SPOCK1: variants seen among roughly 807,000 people sequenced by gnomAD.
The protein encoded by SPOCK1 is testican-1.
SPOCK1 carries 23 observed loss-of-function variants against 55.3 expected under a neutral mutation model. The observed-to-expected ratio is 0.42, with a 90% CI of 0.30 to 0.59. SPOCK1 has a LOEUF of 0.59. SPOCK1 is among the 20% of genes least tolerant of loss of function. The pLI is 0.22. For missense variants in SPOCK1, 499 were observed against 552.5 expected, an observed-to-expected ratio of 0.90 and a Z score of 0.97; for synonymous variants, 226 against 221.0, an observed-to-expected ratio of 1.02 and a Z score of -0.20.
chr5:137,227,154 C>G (rs538639045), intron 3 of SPOCK1, among the ~76,000 whole-genome samples: 7 of 152,272 alleles, frequency 4.6e-5, no homozygotes, highest in African/African-American at 1.4e-4. Context: ...TACTCCAGGA[C>G]CTTTCTGTCT....
intron 3 of SPOCK1, among the ~76,000 whole-genome samples, chr5:137,182,204 C>T (rs530362215): frequency 6.6e-6 from 1 of 152,202 alleles, no homozygotes; most frequent in Admixed American, 6.5e-5. Context: ...ATCTCTCTGG[C>T]CTTCATCAGC....
At position 137,243,275 on chromosome 5, in the gene SPOCK1, G is replaced by A. The variant is rs553656527; in HGVS notation, c.232+23735C>T. ...CTGAGGCCTTAAGATGCCCATAATC[G>A]GCGGCTATTTTTTAATCTCTTAAAA... is the stretch of plus-strand genomic sequence containing the variant. On this transcript the variant is annotated intron_variant, in intron 3 of 10. Transcript: ENST00000394945. Among the ~76,000 whole-genome samples the A allele has an allele frequency of 1.2e-3, 187 of 152,086 alleles. 1 individual carries two copies. The highest frequency in any genetic ancestry group is 4.3e-3 in the African/African-American group (180 of 41,520).
At chr5:137,099,794 G>A (rs7701979) in intron 5 of SPOCK1, among the ~76,000 whole-genome samples, 15 of 152,000 alleles carry the variant, frequency 9.9e-5, no homozygotes, top group African/African-American at 2.7e-4. Flanking sequence ...TCCAGTCAAC[G>A]GAAAGGAGCC....
intron 5 of SPOCK1, among the ~76,000 whole-genome samples, chr5:137,104,983 T>G (rs1753337524): frequency 6.6e-6 from 1 of 152,242 alleles, no homozygotes; most frequent in African/African-American, 2.4e-5. Context: ...GCCAAAAAAG[T>G]TGGGGACCGC....
At chr5:137,088,389 C>T (rs73294134) in intron 5 of SPOCK1, among the ~76,000 whole-genome samples, 4 of 152,330 alleles carry the variant, frequency 2.6e-5, no homozygotes, top group African/African-American at 9.6e-5. Context: ...CAATTTCTCA[C>T]ATACTTGAAA....
chr5:137,442,955 T>C (rs1561537014), intron 2 of SPOCK1, among the ~76,000 whole-genome samples: 1 of 152,194 alleles, frequency 6.6e-6, no homozygotes, highest in African/African-American at 2.4e-5. Context: ...CTCCCTCTCA[T>C]TGGCACCTGT....
intron 2 of SPOCK1, among the ~76,000 whole-genome samples, chr5:137,374,860 G>A (rs1486910416): frequency 6.6e-6 from 1 of 152,078 alleles, no homozygotes; most frequent in Non-Finnish European, 1.5e-5. Flanking sequence ...GTACAGCAAG[G>A]AGAAATTAGG....
intron 2 of SPOCK1, among the ~76,000 whole-genome samples, chr5:137,341,872 A>T (rs1459034340): frequency 2.0e-5 from 3 of 152,230 alleles, no homozygotes; most frequent in Non-Finnish European, 4.4e-5. Context: ...ATAATGTGTC[A>T]CGGGAAGAAA....
intron 2 of SPOCK1, among the ~76,000 whole-genome samples, chr5:137,324,106 GA>G (rs1758030849): frequency 6.6e-6 from 1 of 151,690 alleles, no homozygotes; most frequent in Non-Finnish European, 1.5e-5. Context: ...GGATAAGTAA[GA>G]TGTGGTGTAC....
intron 4 of SPOCK1, among the ~76,000 whole-genome samples, chr5:137,117,911 G>A (rs1264877710): frequency 6.6e-6 from 1 of 152,064 alleles, no homozygotes; most frequent in Non-Finnish European, 1.5e-5. Context: ...TCAGGATTCA[G>A]GAATGATAAA....
intron 2 of SPOCK1, among the ~76,000 whole-genome samples, chr5:137,396,938 C>A (rs566524932): frequency 6.6e-6 from 1 of 152,076 alleles, no homozygotes; most frequent in Non-Finnish European, 1.5e-5. Flanking sequence ...GAGCCTTACG[C>A]GTTTATACTT....
At chr5:137,495,364 T>C (rs555796380) in intron 2 of SPOCK1, among the ~76,000 whole-genome samples, 14 of 152,320 alleles carry the variant, frequency 9.2e-5, no homozygotes, top group African/African-American at 3.1e-4. Flanking sequence ...ATTTCAAAGT[T>C]GACCCTGTAA....
At chr5:137,315,662 A>G (rs929232795) in intron 2 of SPOCK1, among the ~76,000 whole-genome samples, 1 of 152,150 alleles carries the variant, frequency 6.6e-6, no homozygotes, top group Admixed American at 6.5e-5. Context: ...ATTATTTGCC[A>G]TCTTCTCCTC....
intron 3 of SPOCK1, among the ~76,000 whole-genome samples, chr5:137,224,787 C>T (rs1053425599): frequency 1.3e-5 from 2 of 152,174 alleles, no homozygotes; most frequent in Non-Finnish European, 2.9e-5. Context: ...GCATGGGAGC[C>T]TTGTCCTTCT....
intron 2 of SPOCK1, among the ~76,000 whole-genome samples, chr5:137,479,099 A>G (rs78821253): frequency 6.2e-4 from 94 of 151,648 alleles, no homozygotes; most frequent in African/African-American, 2.2e-3. Flanking sequence ...GTGTAAGGGT[A>G]TACTAGATAG....
At chr5:137,477,626 C>A (rs1448606339) in intron 2 of SPOCK1, among the ~76,000 whole-genome samples, 1 of 152,168 alleles carries the variant, frequency 6.6e-6, no homozygotes, top group East Asian at 1.9e-4. Context: ...CTGACAACCC[C>A]TAAGAGCAGC....
intron 2 of SPOCK1, among the ~76,000 whole-genome samples, chr5:137,441,864 G>A (rs919057866): frequency 6.6e-6 from 1 of 152,188 alleles, no homozygotes; most frequent in African/African-American, 2.4e-5. Flanking sequence ...CTCTGAGGAT[G>A]AGCAGTTACC....
chr5:137,026,045 G>A (rs1196533185), intron 6 of SPOCK1, among the ~76,000 whole-genome samples: 1 of 152,192 alleles, frequency 6.6e-6, no homozygotes, highest in Non-Finnish European at 1.5e-5. Flanking sequence ...TAGAAGGAAG[G>A]CATACAGAGA....
intron 2 of SPOCK1, among the ~76,000 whole-genome samples, chr5:137,479,389 T>C (rs4533879): frequency 1 from 152,090 of 152,310 alleles, 75,935 homozygotes; most frequent in Middle Eastern, 1. Flanking sequence ...GGACCACCTA[T>C]AGGTGAGAGG....
Sources: gnomAD v4.1 joint callset for allele counts (sites outside exome capture counted in the v4.1 genomes callset) on GRCh38, gnomAD v4.1.1 for gene constraint, MANE v1.5 for transcripts, NCBI Gene and HGNC (gene_info 2026-07-23, HGNC 2026-07-21) for gene names.